Variants in DAB1 observed in about 807,000 individuals in gnomAD.
The protein encoded by DAB1 is DAB adaptor protein 1, also known as disabled homolog 1.
DAB1 carries 15 observed loss-of-function variants against 64.6 expected under a neutral mutation model. The observed-to-expected ratio is 0.23, with a 90% confidence interval of 0.16 to 0.36. The LOEUF (loss-of-function observed/expected upper bound fraction) is 0.36. Ranked by LOEUF, DAB1 falls within the 10% of genes least tolerant of loss-of-function variation. The pLI is 1.00. For missense variants in DAB1, 596 were observed against 706.7 expected, an observed-to-expected ratio of 0.84 and a Z score of 1.78; for synonymous variants, 235 against 251.9, an observed-to-expected ratio of 0.93 and a Z score of 0.64.
At chr1:57,749,671 A>T (rs1192727013) in intron 6 of DAB1, among the ~76,000 whole-genome samples, 1 of 152,122 alleles carries the variant, frequency 6.6e-6, no homozygotes, top group African/African-American at 2.4e-5. Context: ...GATGATCCCC[A>T]TTCTATGTAC....
intron 7 of DAB1, among the ~76,000 whole-genome samples, chr1:57,446,169 T>A (rs746463952): frequency 2.0e-5 from 3 of 152,238 alleles, no homozygotes; most frequent in Non-Finnish European, 2.9e-5. Flanking sequence ...AAACTCAGGT[T>A]CTTTTTTGTC....
intron 7 of DAB1, among the ~76,000 whole-genome samples, chr1:57,510,307 G>A (rs778311083): frequency 3.9e-5 from 6 of 152,020 alleles, no homozygotes; most frequent in Non-Finnish European, 7.4e-5. Context: ...TTCTTGGAGT[G>A]CTCTCTTCTC....
chr1:57,090,328 A>G (rs1653530642), intron 4 of DAB1, among the ~76,000 whole-genome samples: 1 of 152,174 alleles, frequency 6.6e-6, no homozygotes, highest in African/African-American at 2.4e-5. Flanking sequence ...GGTAAGCACA[A>G]GGATGAAAAT....
chr1:57,087,933 A>G (rs1653253081), intron 4 of DAB1, among the ~76,000 whole-genome samples: 1 of 152,206 alleles, frequency 6.6e-6, no homozygotes. Flanking sequence ...TAGACCAGCA[A>G]TGGAAAGTAG....
intron 2 of DAB1, among the ~76,000 whole-genome samples, chr1:57,181,399 T>A (rs1057390880): frequency 7.2e-5 from 11 of 152,182 alleles, no homozygotes; most frequent in Non-Finnish European, 1.5e-4. Context: ...GACCTGATAA[T>A]CAATGAGACT....
intron 5 of DAB1, among the ~76,000 whole-genome samples, chr1:58,006,229 A>G (rs980011965): frequency 5.3e-5 from 8 of 152,200 alleles, no homozygotes; most frequent in African/African-American, 1.9e-4. Flanking sequence ...ATGTGAGATA[A>G]AAAGACACTA....
At position 58,190,986 on chromosome 1, in the gene DAB1, T is replaced by A. The variant is rs149816505; in HGVS notation, n.310-40398A>T. ...CCCCAATGGGCTCTCACAGTCCCCA[T>A]CCCAGGTTATCAACAATAGCCCACA... On this transcript the variant is annotated intron_variant and non_coding_transcript_variant, in intron 4 of 20. Coordinates refer to the DAB1 transcript ENST00000485760. Among the ~76,000 whole-genome samples, 96 of 152,258 alleles carry A rather than the reference T, an allele frequency of 6.3e-4. 1 individual carries two copies. In the East Asian group the frequency reaches 0.017, roughly 26 times the overall value.
At position 57,178,073 on chromosome 1, in the gene DAB1, C is replaced by A. The variant is rs899189001; in HGVS notation, c.68-32644G>T. On this transcript the variant is annotated intron_variant, in intron 2 of 14. Coordinates refer to ENST00000371236, the MANE Select transcript of DAB1 (RefSeq NM_001365792.1). ...TTACAGGGGCAGATATAGCCATGGGCGAAAACCATATAAAAGTTCAAAAGT... is the reference window on the plus strand; with the variant it reads ...TTACAGGGGCAGATATAGCCATGGGAGAAAACCATATAAAAGTTCAAAAGT... Among the ~76,000 whole-genome samples, 32 of 151,900 alleles carry A rather than the reference C, an allele frequency of 2.1e-4. No homozygotes were observed. The East Asian group carries it at 5.0e-3, about 24-fold the overall frequency.
chr1:57,154,070 C>A (rs1230591837), intron 2 of DAB1, among the ~76,000 whole-genome samples: 1 of 152,150 alleles, frequency 6.6e-6, no homozygotes. Flanking sequence ...CAATTATGCT[C>A]TTTCAGTTAT....
At chr1:57,294,322 T>C (rs1465923681) in intron 1 of DAB1, among the ~76,000 whole-genome samples, 1 of 152,212 alleles carries the variant, frequency 6.6e-6, no homozygotes, top group Non-Finnish European at 1.5e-5. Context: ...TATAATGAGC[T>C]CTTCAAATCT....
At chr1:57,142,994 T>C (rs922411423) in intron 3 of DAB1, among the ~76,000 whole-genome samples, 2 of 152,236 alleles carry the variant, frequency 1.3e-5, no homozygotes, top group Non-Finnish European at 2.9e-5. Context: ...TCTTGGCCCT[T>C]ATCCCCATCT....
intron 7 of DAB1, among the ~76,000 whole-genome samples, chr1:57,561,335 C>T (rs1052362642): frequency 1.3e-5 from 2 of 152,160 alleles, no homozygotes; most frequent in African/African-American, 4.8e-5. Context: ...TCCCAGTGGG[C>T]AGAACTTTGA....
intron 6 of DAB1, among the ~76,000 whole-genome samples, chr1:57,753,742 T>C (rs1203545771): frequency 6.6e-6 from 1 of 151,968 alleles, no homozygotes; most frequent in Non-Finnish European, 1.5e-5. Context: ...TAATTACTCT[T>C]CTTTCATATT....
chr1:57,677,113 G>A (rs1646577127), intron 6 of DAB1, among the ~76,000 whole-genome samples: 1 of 152,136 alleles, frequency 6.6e-6, no homozygotes, highest in African/African-American at 2.4e-5. Flanking sequence ...AGCTCTCTCT[G>A]GCCCTCTCTC....
chr1:57,129,423 C>T (rs1385095525), intron 4 of DAB1, among the ~76,000 whole-genome samples: 1 of 152,048 alleles, frequency 6.6e-6, no homozygotes. Flanking sequence ...ATCTATTTGA[C>T]ATTAAAATAG....
At chr1:58,005,681 C>T (rs1283517243) in intron 5 of DAB1, among the ~76,000 whole-genome samples, 1 of 150,120 alleles carries the variant, frequency 6.7e-6, no homozygotes, top group Admixed American at 6.6e-5. Context: ...ACATAAATAG[C>T]AAGATCTTTT....
intron 5 of DAB1, among the ~76,000 whole-genome samples, chr1:58,126,690 G>A (rs377521691): frequency 6.9e-6 from 1 of 144,240 alleles, no homozygotes; most frequent in Non-Finnish European, 1.5e-5. Flanking sequence ...TTCCCACCTA[G>A]GAGTGAGAAT....
chr1:58,010,622 C>A (rs561345600), intron 5 of DAB1, among the ~76,000 whole-genome samples: 1 of 152,296 alleles, frequency 6.6e-6, no homozygotes, highest in African/African-American at 2.4e-5. Flanking sequence ...TCTTTATAGT[C>A]CACTTCAATT....
In DAB1 at chr1:58,008,250, C is replaced by T. The variant is rs146836062; in HGVS notation, n.388-124088G>A. 1.8e-3 allele frequency among the ~76,000 whole-genome samples: 280 copies of T among 152,252 alleles called. 1 individual carries two copies. The highest frequency in any genetic ancestry group is 5.9e-3 in the African/African-American group (247 of 41,558). On this transcript the variant is annotated intron_variant and non_coding_transcript_variant, in intron 5 of 20. Coordinates refer to the DAB1 transcript ENST00000485760. ...GAGCTGGGATTCAAATCCAGAACCA[C>T]CACACTCCTAATTCCCGGTTTTATC...
Sources: gnomAD v4.1 joint callset for allele counts (sites outside exome capture counted in the v4.1 genomes callset) on GRCh38, gnomAD v4.1.1 for gene constraint, MANE v1.5 for transcripts, NCBI Gene and HGNC (gene_info 2026-07-23, HGNC 2026-07-21) for gene names.